The following DCC variants were observed in gnomAD, a reference collection of about 807,000 sequenced individuals.
DCC encodes DCC netrin 1 receptor.
A neutral mutation model predicts 172.5 loss-of-function variants in DCC; 58 were observed. That is an observed-to-expected ratio of 0.34 (90% CI 0.27 to 0.42). The LOEUF (loss-of-function observed/expected upper bound fraction) is 0.42, where lower values mean the gene tolerates loss of function less well. DCC is among the 10% of genes least tolerant of loss of function. The pLI, the probability that DCC is intolerant of heterozygous loss-of-function variation, is 1.00. For synonymous variants in DCC, 709 were observed against 644.5 expected (o/e 1.10, Z -1.52); for missense variants, 1,740 against 1,791.0 (o/e 0.97, Z 0.51).
chr18:53,196,963 A>G (rs1452694978), intron 9 of DCC, among the ~76,000 whole-genome samples: 1 of 152,114 alleles, frequency 6.6e-6, no homozygotes, highest in Non-Finnish European at 1.5e-5. Flanking sequence ...CATTATGTTA[A>G]TAATTACATT....
intron 5 of DCC, among the ~76,000 whole-genome samples, chr18:53,014,146 A>T (rs1402288124): frequency 6.6e-6 from 1 of 152,170 alleles, no homozygotes; most frequent in African/African-American, 2.4e-5. Context: ...TGACCAAAAC[A>T]GTTGGCCCAT....
rs368038775 is a variant in DCC, at chr18:52,933,318, A to C, written c.985+7948A>C. Among the ~76,000 whole-genome samples, 22 of 152,054 alleles carry C rather than the reference A, an allele frequency of 1.4e-4. No individual in the cohort carries two copies. The South Asian group carries it at 4.0e-3, about 27-fold the overall frequency. On this transcript the variant is annotated intron_variant, in intron 5 of 28. Transcript: ENST00000442544. ...ATAGGTAGGGAAAAAGACAAGAAGCAGGCAATTGCTAACAAGGCCGAAGAG... is the reference window on the plus strand; with the variant it reads ...ATAGGTAGGGAAAAAGACAAGAAGCCGGCAATTGCTAACAAGGCCGAAGAG...
At chr18:52,593,848 A>T (rs1307565231) in intron 1 of DCC, among the ~76,000 whole-genome samples, 1 of 152,240 alleles carries the variant, frequency 6.6e-6, no homozygotes, top group Non-Finnish European at 1.5e-5. Context: ...CACCCCTCTC[A>T]GGTTGAAACC....
At chr18:53,487,466 GA>G (rs1303776411) in intron 26 of DCC, among the ~76,000 whole-genome samples, 1 of 150,424 alleles carries the variant, frequency 6.6e-6, no homozygotes, top group Non-Finnish European at 1.5e-5. Context: ...AGGAAGGTAG[GA>G]ATGAAAAGAG....
intron 1 of DCC, among the ~76,000 whole-genome samples, chr18:52,724,644 A>T (rs1033077735): frequency 3.3e-5 from 5 of 152,094 alleles, no homozygotes; most frequent in African/African-American, 1.2e-4. Flanking sequence ...CATCCTGGTT[A>T]TTTTTTGTCC....
chr18:53,060,215 G>GT (rs2042474043), intron 5 of DCC, among the ~76,000 whole-genome samples: 1 of 151,990 alleles, frequency 6.6e-6, no homozygotes, highest in African/African-American at 2.4e-5. Flanking sequence ...CTGCTGTTTA[G>GT]TAGAGATGGG....
chr18:52,917,137 C>CAAAAAAAAAAAAAAAGAAAAAA (rs146388621), intron 3 of DCC, among the ~76,000 whole-genome samples: 1 of 94,820 alleles, frequency 1.1e-5, no homozygotes. Flanking sequence ...AAAAAGAAAA[C>CAAAAAAAAAAAAAAAGAAAAAA]AAAAAAAAAA....
intron 14 of DCC, 25 bp from the exon 15 acceptor site, chr18:53,339,688 G>A: frequency 6.3e-7 from 1 of 1,590,786 alleles, no homozygotes; most frequent in Non-Finnish European, 8.6e-7. Flanking sequence ...GAGACATGCT[G>A]ATGATGCCTC....
chr18:53,370,071 A>T (rs2058044536), intron 15 of DCC, among the ~76,000 whole-genome samples: 3 of 151,864 alleles, frequency 2.0e-5, no homozygotes, highest in African/African-American at 7.2e-5. Flanking sequence ...TTCACCTACA[A>T]ACCCATGAGG....
chr18:53,208,465 TC>T (rs1010508344), intron 11 of DCC, among the ~76,000 whole-genome samples: 36 of 151,634 alleles, frequency 2.4e-4, no homozygotes, highest in East Asian at 1.9e-4. Flanking sequence ...CATGTTTTAT[TC>T]CCCCATCTAA....
At chr18:53,295,625 A>AT (rs1182435456) in intron 12 of DCC, among the ~76,000 whole-genome samples, 1 of 152,148 alleles carries the variant, frequency 6.6e-6, no homozygotes, top group East Asian at 1.9e-4. Flanking sequence ...GAATGATGAA[A>AT]TTTGAAAACT....
chr18:52,489,925 C>CT (rs2030419821), intron 1 of DCC, among the ~76,000 whole-genome samples: 1 of 152,092 alleles, frequency 6.6e-6, no homozygotes, highest in African/African-American at 2.4e-5. Context: ...GAATGTTCCT[C>CT]TTTTTACAAA....
At chr18:52,847,630 C>T (rs2038915491) in intron 2 of DCC, among the ~76,000 whole-genome samples, 1 of 152,146 alleles carries the variant, frequency 6.6e-6, no homozygotes. Context: ...CCCTCCAAGA[C>T]ACATACTCCC....
chr18:53,205,865 C>T (rs940356457), intron 10 of DCC, among the ~76,000 whole-genome samples: 2 of 152,004 alleles, frequency 1.3e-5, no homozygotes, highest in African/African-American at 4.8e-5. Context: ...CTTCTCCTTA[C>T]ATTTTGCTCC....
intron 5 of DCC, among the ~76,000 whole-genome samples, chr18:52,956,300 C>T (rs2040741676): frequency 6.6e-6 from 1 of 151,800 alleles, no homozygotes; most frequent in South Asian, 2.1e-4. Context: ...GTTTCAGTAT[C>T]GTTTGTTGAA....
intron 25 of DCC, among the ~76,000 whole-genome samples, chr18:53,484,673 T>G (rs2045880330): frequency 6.6e-6 from 1 of 152,090 alleles, no homozygotes; most frequent in Non-Finnish European, 1.5e-5. Flanking sequence ...CAGCACCATT[T>G]ATGGAAGAGA....
chr18:52,450,296 C>G (rs1487732543), intron 1 of DCC, among the ~76,000 whole-genome samples: 1 of 152,148 alleles, frequency 6.6e-6, no homozygotes, highest in East Asian at 1.9e-4. Context: ...GGAATAATTG[C>G]TGCTTTCATT....
intron 25 of DCC, among the ~76,000 whole-genome samples, chr18:53,485,547 C>T (rs2045890564): frequency 6.6e-6 from 1 of 151,952 alleles, no homozygotes; most frequent in East Asian, 1.9e-4. Flanking sequence ...ATTTTCAAAC[C>T]AGTCCATCAA....
At chr18:52,980,844 C>T (rs2041197924) in intron 5 of DCC, among the ~76,000 whole-genome samples, 1 of 151,648 alleles carries the variant, frequency 6.6e-6, no homozygotes, top group Non-Finnish European at 1.5e-5. Context: ...AAAGAATAGG[C>T]CATATCAGAG....
Sources: gnomAD v4.1 joint callset for allele counts (sites outside exome capture counted in the v4.1 genomes callset) on GRCh38, gnomAD v4.1.1 for gene constraint, MANE v1.5 for transcripts, NCBI Gene and HGNC (gene_info 2026-07-23, HGNC 2026-07-21) for gene names.